SDHD: variants seen among roughly 807,000 people sequenced by gnomAD.
SDHD encodes succinate dehydrogenase complex subunit D.
In SDHD, 6 loss-of-function variants were observed where a neutral mutation model predicts 18.7. That is an observed-to-expected ratio of 0.32 (90% CI 0.18 to 0.63). The LOEUF (loss-of-function observed/expected upper bound fraction) is 0.63. Among genes scored for constraint, SDHD ranks in the 30% least tolerant of loss-of-function variants. The pLI is 0.79. For synonymous variants in SDHD, 56 were observed against 73.9 expected (o/e 0.76, Z 1.24); for missense variants, 160 against 192.7 (o/e 0.83, Z 1.00).
intron 2 of SDHD, 147 bp from the exon 3 acceptor site, chr11:112,088,720 A>G (rs1865679005): frequency 1.1e-6 from 1 of 893,650 alleles, no homozygotes; most frequent in African/African-American, 1.7e-5. Flanking sequence ...TCTCTCAACT[A>G]CTATTTTGAT....
At chr11:112,093,155 CTT>C in intron 3 of SDHD, 2 of 388,430 alleles carry the variant, frequency 5.1e-6, no homozygotes, top group South Asian at 1.8e-5. Flanking sequence ...CAACCTCCGC[CTT>C]TCGGGTTCAA....
At chr11:112,093,380 T>G (rs1475595007) in intron 3 of SDHD, among the ~76,000 whole-genome samples, 1 of 151,686 alleles carries the variant, frequency 6.6e-6, no homozygotes, top group African/African-American at 2.4e-5. Context: ...ATGGGTTCTT[T>G]TATATGAAAT....
intron 3 of SDHD, chr11:112,093,027 CTTTTTTTTTTT>C: frequency 7.4e-6 from 1 of 134,752 alleles, no homozygotes; most frequent in South Asian, 7.1e-5. Context: ...TATTGTATGG[CTTTTTTTTTTT>C]TTTTTTTTTT....
rs141466980 is a variant in SDHD at position 112,094,385 on chromosome 11, G to A, written c.315-420G>A. On this transcript the variant is annotated intron_variant, in intron 3 of 3. Transcript: ENST00000375549. Reference sequence around the variant, plus strand: ...TGCACTCCAGCCTGGGCAAAAGAGCGAGACTCTGTCTCAATAAATAAATAA... The same window carrying A: ...TGCACTCCAGCCTGGGCAAAAGAGCAAGACTCTGTCTCAATAAATAAATAA... Among the ~76,000 whole-genome samples the A allele has an allele frequency of 1.5e-3, 222 of 151,520 alleles. 6 individuals carry two copies. The East Asian group carries it at 0.036, about 24-fold the overall frequency.
intron 3 of SDHD, among the ~76,000 whole-genome samples, chr11:112,090,099 GTT>G (rs71463403): frequency 0.31 from 47,425 of 151,812 alleles, 8,150 homozygotes; most frequent in East Asian, 0.59. Context: ...GCGCCTGTTT[GTT>G]TGTTTGTTTG....
Position 112,087,912 on chromosome 11 carries a change from G to T in SDHD, c.108G>T (p.Gln36His), listed in dbSNP as rs766884646. 1 of 1,613,992 alleles carries T rather than the reference G, an allele frequency of 6.2e-7. No homozygotes were observed. Among genetic ancestry groups the T allele is most frequent in the South Asian group, 1.1e-5 (1 of 91,078 alleles). ...CTGCTCATATCTCAGCATTTCTTCA[G>T]GACCGACCTATCCCAGAATGGTGTG... ...VRPAHISAFL[Q>H]DRPIPEWCGV... is the part of the protein sequence containing the mutation. The change falls in exon 2 of 4, where the codon CAG becomes CAT. Residue 36 changes from glutamine to histidine, a missense_variant. By Grantham distance (24) the Gln-to-His change is conservative. Transcript: ENST00000375549.
Position 112,087,859 on chromosome 11 carries a change from C to T in SDHD, c.55C>T (p.Leu19=). The change falls in exon 2 of 4, where the codon CTG becomes TTG. Residue 19 remains leucine, a splice_region_variant and synonymous_variant. Coordinates refer to ENST00000375549, the MANE Select transcript of SDHD (RefSeq NM_003002.4). ...CATCCTAATGACTCTTTCCTCAGCT[C>T]TGTTGCTTCGAACTCCAGTGGTCAG... ...AVCGALGGRA[L]LLRTPVVRPA... 6.2e-7 allele frequency: 1 copy of T among 1,605,576 alleles called. No homozygotes were observed. The highest frequency in any genetic ancestry group is 8.5e-7 in the Non-Finnish European group (1 of 1,172,396).
chr11:112,088,723 A>G (rs1010167356), intron 2 of SDHD, 144 bp from the exon 3 acceptor site: 21 of 915,948 alleles, frequency 2.3e-5, no homozygotes, highest in Admixed American at 2.1e-4. Flanking sequence ...CTCAACTACT[A>G]TTTTGATATT....
rs200753024 is a variant in SDHD, at chr11:112,095,339, A to G, written c.*369A>G. On this transcript the variant is annotated 3_prime_UTR_variant, in exon 4 of 4. Transcript: ENST00000375549. ...TCAAACTTCCATATTTGCCTTGGGA[A>G]TAATGGACAAAGGGAAATACTCTTA... 1.8e-3 allele frequency: 633 copies of G among 343,360 alleles called. No individual in the cohort carries two copies. Among genetic ancestry groups the G allele is most frequent in the Non-Finnish European group, 2.6e-3 (466 of 182,646 alleles). 21.3% of individuals were successfully genotyped at this position (343,360 alleles called of 1,614,324 possible).
chr11:112,091,193 C>A, intron 3 of SDHD: 2 of 557,404 alleles, frequency 3.6e-6, no homozygotes, highest in South Asian at 7.8e-5. Flanking sequence ...ATGTGCTCCA[C>A]TTCCTCAACA....
At chr11:112,089,257 C>A (rs1348901015) in intron 3 of SDHD, among the ~76,000 whole-genome samples, 1 of 152,172 alleles carries the variant, frequency 6.6e-6, no homozygotes, top group African/African-American at 2.4e-5. Context: ...CTGATCTCCC[C>A]TAATCTGTTC....
intron 3 of SDHD, among the ~76,000 whole-genome samples, chr11:112,093,552 C>T (rs902268925): frequency 2.6e-5 from 4 of 152,066 alleles, no homozygotes; most frequent in Non-Finnish European, 4.4e-5. Context: ...TACTAAAAAG[C>T]GTGAATTTTT....
At position 112,091,303 on chromosome 11, in the gene SDHD, C is replaced by T. The variant is rs114642945; in HGVS notation, c.314+2292C>T. ...CTGAAGGCCTTCATCTTTCCAAATC[C>T]GGTTGTCTATTTTCTGCCCTCCACT... is the stretch of plus-strand genomic sequence containing the variant. On this transcript the variant is annotated intron_variant, in intron 3 of 3. Transcript: ENST00000375549. Among the ~76,000 whole-genome samples the T allele has an allele frequency of 4.0e-3, 606 of 152,232 alleles. 9 individuals carry two copies. Among genetic ancestry groups the T allele is most frequent in the African/African-American group, 0.014 (576 of 41,514 alleles).
intron 3 of SDHD, among the ~76,000 whole-genome samples, chr11:112,094,020 A>G (rs1417286388): frequency 1.3e-5 from 2 of 152,192 alleles, no homozygotes; most frequent in East Asian, 3.8e-4. Flanking sequence ...AGTTTTAGTT[A>G]TTTTTAGTTA....
At chr11:112,088,839 A>G (rs961214333) in intron 2 of SDHD, 28 bp from the exon 3 acceptor site, 25 of 1,611,832 alleles carry the variant, frequency 1.6e-5, no homozygotes, top group Non-Finnish European at 1.9e-5. Context: ...TCTCACATCA[A>G]CTTTTATGAA....
chr11:112,095,260 T>G lies in SDHD; in HGVS notation c.*290T>G, dbSNP rs948584587. The G allele has an allele frequency of 8.9e-6, 4 of 448,874 alleles. No individual in the cohort carries two copies. Among genetic ancestry groups the G allele is most frequent in the African/African-American group, 7.8e-5 (4 of 51,414 alleles). The allele number at this position is 448,874 out of a possible 1,614,324, so 27.8% of individuals were successfully genotyped here. ...AAACATGATATATCAGCTTTTGCCT[T>G]TCAATTTATCAATCTCTTAAAGAGA... is the stretch of plus-strand genomic sequence containing the variant. On this transcript the variant is annotated 3_prime_UTR_variant, in exon 4 of 4. Transcript: ENST00000375549.
Position 112,088,996 on chromosome 11 carries a change from C to G in SDHD, c.299C>G (p.Thr100Ser). ...GACTATTCCCTGGCTGCAGCCCTCA[C>G]TCTTCATGGTCACTGGCAAGTATAG... ...AMDYSLAAAL[T>S]LHGHWGLGQV... The change falls in exon 3 of 4, where the codon ACT becomes AGT. Residue 100 changes from threonine to serine, a missense_variant. Transcript: ENST00000375549. The G allele has an allele frequency of 6.2e-7, 1 of 1,614,224 alleles. No individual in the cohort carries two copies. Among genetic ancestry groups the G allele is most frequent in the Non-Finnish European group, 8.5e-7 (1 of 1,180,044 alleles).
At position 112,089,022 on chromosome 11, in the gene SDHD, C is replaced by G. The variant is rs2135269909; in HGVS notation, c.314+11C>G. 1 of 1,613,958 alleles carries G rather than the reference C, an allele frequency of 6.2e-7. No individual in the cohort carries two copies. The highest frequency in any genetic ancestry group is 8.5e-7 in the Non-Finnish European group (1 of 1,179,822). ...TCTTCATGGTCACTGGCAAGTATAG[C>G]AATTCCAAATATAGTTGTCTGCTCA... On this transcript the variant is annotated intron_variant, in intron 3 of 3. Transcript: ENST00000375549.
intron 2 of SDHD, chr11:112,088,516 C>T (rs543336346): frequency 5.4e-5 from 20 of 367,702 alleles, no homozygotes; most frequent in African/African-American, 4.0e-4. Flanking sequence ...ACGCCTGGAC[C>T]ACTAACTTAC....
Sources: gnomAD v4.1 joint callset for allele counts (sites outside exome capture counted in the v4.1 genomes callset) on GRCh38, gnomAD v4.1.1 for gene constraint, MANE v1.5 for transcripts, NCBI Gene and HGNC (gene_info 2026-07-23, HGNC 2026-07-21) for gene names.